TAFA5: variants seen among roughly 807,000 people sequenced by gnomAD.
The protein encoded by TAFA5 is TAFA chemokine like family member 5.
Under a neutral mutation model 15.3 loss-of-function variants are expected in TAFA5, and 6 were observed. That is an observed-to-expected ratio of 0.39 (90% CI 0.21 to 0.77). TAFA5 has a LOEUF of 0.77. Ranked by LOEUF, TAFA5 falls within the 30% of genes least tolerant of loss-of-function variation. The pLI, the probability that TAFA5 is intolerant of heterozygous loss-of-function variation, is 0.41. For missense variants in TAFA5, 161 were observed against 193.1 expected (o/e 0.83, Z 0.98); for synonymous variants, 103 against 80.7 (o/e 1.28, Z -1.48).
chr22:48,564,183 C>T (rs1923333066), intron 1 of TAFA5, among the ~76,000 whole-genome samples: 1 of 152,192 alleles, frequency 6.6e-6, no homozygotes, highest in Non-Finnish European at 1.5e-5. Flanking sequence ...AGGAAGACAA[C>T]CAATGAGAAT....
chr22:48,678,834 T>C (rs1569075789), intron 2 of TAFA5, among the ~76,000 whole-genome samples: 1 of 151,332 alleles, frequency 6.6e-6, no homozygotes, highest in Non-Finnish European at 1.5e-5. Context: ...AAGAAACTTC[T>C]CACATGTTGG....
intron 3 of TAFA5, 54 bp from the exon 4 acceptor site, chr22:48,749,785 G>A: frequency 1.3e-6 from 2 of 1,553,362 alleles, no homozygotes; most frequent in Non-Finnish European, 8.7e-7. Context: ...TGTTCCCTGT[G>A]GCCCTGGGCA....
At chr22:48,627,365 G>A (rs896403070) in intron 1 of TAFA5, among the ~76,000 whole-genome samples, 3 of 152,332 alleles carry the variant, frequency 2.0e-5, no homozygotes, top group South Asian at 4.1e-4. Flanking sequence ...TGGGGGTGGC[G>A]GGGGAGGCAG....
At chr22:48,686,394 C>T (rs2147234134) in intron 2 of TAFA5, among the ~76,000 whole-genome samples, 1 of 152,302 alleles carries the variant, frequency 6.6e-6, no homozygotes, top group East Asian at 1.9e-4. Context: ...TGGCTGTGTC[C>T]TCACATACTG....
At chr22:48,683,296 G>A (rs895008942) in intron 2 of TAFA5, among the ~76,000 whole-genome samples, 1 of 152,254 alleles carries the variant, frequency 6.6e-6, no homozygotes, top group Non-Finnish European at 1.5e-5. Flanking sequence ...ACAGACGAGA[G>A]TGCTGGTTAA....
At chr22:48,578,106 A>G (rs1268703756) in intron 1 of TAFA5, among the ~76,000 whole-genome samples, 1 of 152,192 alleles carries the variant, frequency 6.6e-6, no homozygotes, top group African/African-American at 2.4e-5. Flanking sequence ...TCGCGCTGCA[A>G]GTTCTCTGCC....
At chr22:48,635,311 G>T (rs1230456861) in intron 1 of TAFA5, among the ~76,000 whole-genome samples, 1 of 152,220 alleles carries the variant, frequency 6.6e-6, no homozygotes, top group East Asian at 1.9e-4. Flanking sequence ...GAGGCCAGGG[G>T]CCTGGGGGCA....
intron 1 of TAFA5, among the ~76,000 whole-genome samples, chr22:48,609,226 T>A (rs1925308746): frequency 6.6e-6 from 1 of 152,142 alleles, no homozygotes; most frequent in Admixed American, 6.5e-5. Flanking sequence ...GGTTCCTGGG[T>A]GAGGCCTGAA....
intron 1 of TAFA5, among the ~76,000 whole-genome samples, chr22:48,613,714 T>C (rs971057206): frequency 6.6e-6 from 1 of 152,258 alleles, no homozygotes; most frequent in Non-Finnish European, 1.5e-5. Flanking sequence ...CCGGCTGCCC[T>C]TGTGGCTGCG....
intron 3 of TAFA5, among the ~76,000 whole-genome samples, chr22:48,729,617 T>A (rs952944380): frequency 2.7e-5 from 4 of 147,662 alleles, no homozygotes; most frequent in African/African-American, 9.8e-5. Flanking sequence ...TATTGATCAC[T>A]AAATCTGGAA....
chr22:48,496,830 G>A (rs1180180478), intron 1 of TAFA5, among the ~76,000 whole-genome samples: 2 of 152,280 alleles, frequency 1.3e-5, no homozygotes, highest in African/African-American at 2.4e-5. Context: ...GGAATCTGTC[G>A]CCCACAGCAT....
chr22:48,571,970 C>A (rs774523595), intron 1 of TAFA5, among the ~76,000 whole-genome samples: 1 of 152,116 alleles, frequency 6.6e-6, no homozygotes, highest in Non-Finnish European at 1.5e-5. Flanking sequence ...ACATTAATTT[C>A]CAGGAGTTTT....
intron 1 of TAFA5, among the ~76,000 whole-genome samples, chr22:48,565,072 T>C (rs1923364918): frequency 6.6e-6 from 1 of 152,186 alleles, no homozygotes. Context: ...GGGAACCTCA[T>C]GGCCGTGGTG....
intron 1 of TAFA5, among the ~76,000 whole-genome samples, chr22:48,629,845 GGA>G (rs1485384673): frequency 1.3e-5 from 2 of 151,016 alleles, no homozygotes; most frequent in Non-Finnish European, 2.9e-5. Flanking sequence ...CCCCTGGATG[GGA>G]GAGGGCAGAT....
At chr22:48,518,045 T>G (rs1921476563) in intron 1 of TAFA5, among the ~76,000 whole-genome samples, 1 of 152,192 alleles carries the variant, frequency 6.6e-6, no homozygotes, top group Non-Finnish European at 1.5e-5. Flanking sequence ...GGCGGCTGGA[T>G]GGGCAGGCCT....
chr22:48,491,156 G>A (rs898182629), intron 1 of TAFA5, among the ~76,000 whole-genome samples: 2 of 152,216 alleles, frequency 1.3e-5, no homozygotes, highest in Non-Finnish European at 2.9e-5. Context: ...CTCACTGGCT[G>A]GCCGCCTGCA....
rs1197219539 is a variant in TAFA5, at chr22:48,655,830, C to CTTTTTTTTTT, written c.262+9102_262+9111dup. On this transcript the variant is annotated intron_variant, in intron 2 of 3. Transcript: ENST00000402357. Reference sequence around the variant, plus strand: ...GGCTTCCTGAAGCCAAACACTGATTCTTTTTTTTTTTTTTTTTTTTTTTTT... The same window carrying CTTTTTTTTTT: ...GGCTTCCTGAAGCCAAACACTGATTCTTTTTTTTTTTTTTTTTTTTTTTTTTTTTTTTTTT... 3.3e-3 allele frequency among the ~76,000 whole-genome samples: 207 copies of CTTTTTTTTTT among 62,394 alleles called. 19 individuals carry two copies. Among genetic ancestry groups the CTTTTTTTTTT allele is most frequent in the East Asian group, 7.2e-3 (11 of 1,530 alleles). 40.9% of individuals were successfully genotyped at this position (62,394 alleles called of 152,430 possible).
rs548051509 is a variant in TAFA5 at position 48,527,504 on chromosome 22, C to T, written c.112+37800C>T. Among the ~76,000 whole-genome samples, 22 of 152,356 alleles carry T rather than the reference C, an allele frequency of 1.4e-4. No homozygotes were observed. In the Middle Eastern group the frequency reaches 0.01, roughly 71 times the overall value. On this transcript the variant is annotated intron_variant, in intron 1 of 3. Transcript: ENST00000402357. ...TGCCCAGAGACAGCCGGCTACTCCCCGTGCACGGCCTCCAGATGGGAACGT... is the reference window on the plus strand; with the variant it reads ...TGCCCAGAGACAGCCGGCTACTCCCTGTGCACGGCCTCCAGATGGGAACGT...
chr22:48,507,374 T>C (rs938205353), intron 1 of TAFA5, among the ~76,000 whole-genome samples: 1 of 152,052 alleles, frequency 6.6e-6, no homozygotes, highest in African/African-American at 2.4e-5. Context: ...AGGGCATGAG[T>C]TGAAGCCCTG....
Sources: gnomAD v4.1 joint callset for allele counts (sites outside exome capture counted in the v4.1 genomes callset) on GRCh38, gnomAD v4.1.1 for gene constraint, MANE v1.5 for transcripts, NCBI Gene and HGNC (gene_info 2026-07-23, HGNC 2026-07-21) for gene names.